AGAP1: variants seen among roughly 807,000 people sequenced by gnomAD.
AGAP1 encodes ArfGAP with GTPase domain, ankyrin repeat and PH domain 1, also known as arf-GAP with GTPase, ANK repeat and PH domain-containing protein 1.
Under a neutral mutation model 105.3 loss-of-function variants are expected in AGAP1, and 29 were observed. The ratio of observed to expected loss-of-function variants is 0.28; its 90% CI spans 0.21 to 0.38. The LOEUF (loss-of-function observed/expected upper bound fraction) is 0.38. Among genes scored for constraint, AGAP1 ranks in the 10% least tolerant of loss-of-function variants. AGAP1 has a pLI of 1.00. For synonymous variants in AGAP1, 509 were observed against 485.9 expected (o/e 1.05, Z -0.63); for missense variants, 998 against 1,165.1 (o/e 0.86, Z 2.09).
At position 236,030,809 on chromosome 2, in the gene AGAP1, C is replaced by T. The variant is rs950044319; in HGVS notation, c.1646-5752C>T. Among the ~76,000 whole-genome samples the T allele has an allele frequency of 2.6e-5, 4 of 152,122 alleles. 1 individual carries two copies. The South Asian group carries it at 6.2e-4, about 24-fold the overall frequency. On this transcript the variant is annotated intron_variant, in intron 13 of 17. Transcript: ENST00000304032. ...CAAACTTCTTACACAGTAAACTCAGCGAAGTGTTAAAGGTGGGCCAGAACC... is the reference window on the plus strand; with the variant it reads ...CAAACTTCTTACACAGTAAACTCAGTGAAGTGTTAAAGGTGGGCCAGAACC...
intron 1 of AGAP1, among the ~76,000 whole-genome samples, chr2:235,501,638 A>G (rs1446401658): frequency 6.6e-6 from 1 of 152,122 alleles, no homozygotes; most frequent in African/African-American, 2.4e-5. Flanking sequence ...TAAGACGAAA[A>G]TCCCTTATTT....
chr2:235,836,803 A>C (rs559946860), intron 9 of AGAP1, among the ~76,000 whole-genome samples: 7 of 152,308 alleles, frequency 4.6e-5, no homozygotes, highest in Non-Finnish European at 7.4e-5. Context: ...CCTCCTCGAG[A>C]TAGAGAACTA....
In AGAP1 at chr2:235,666,943, G is replaced by T. The variant is rs556740891; in HGVS notation, c.164-42236G>T. On this transcript the variant is annotated intron_variant, in intron 1 of 17. Transcript: ENST00000304032. The stretch of plus-strand genomic sequence containing the variant: ...CCTCCCACACCTGGCTAAGTTAGGA[G>T]CCCAGGGTTCTGGTCCCACCCTTGA... Among the ~76,000 whole-genome samples, 42 of 152,168 alleles carry T rather than the reference G, an allele frequency of 2.8e-4. No individual in the cohort carries two copies. The South Asian group carries it at 8.3e-3, about 30-fold the overall frequency.
In AGAP1 at chr2:235,611,025, C is replaced by T. The variant is rs575170992; in HGVS notation, c.164-98154C>T. ...TCATTGAAACTGTGCCCATGACCTCCGGAAGCCTGCCAGCCGCCTGCCTGC... is the reference window on the plus strand; with the variant it reads ...TCATTGAAACTGTGCCCATGACCTCTGGAAGCCTGCCAGCCGCCTGCCTGC... On this transcript the variant is annotated intron_variant, in intron 1 of 17. Coordinates refer to ENST00000304032, the MANE Select transcript of AGAP1 (RefSeq NM_001037131.3). This position sits in a 1 kb window ranked among gnomAD's most constrained non-coding sequence, Gnocchi z 5.0. Among the ~76,000 whole-genome samples, 21 of 152,276 alleles carry T rather than the reference C, an allele frequency of 1.4e-4. No homozygotes were observed. Among genetic ancestry groups the T allele is most frequent in the East Asian group, 1.3e-3 (7 of 5,186 alleles).
intron 9 of AGAP1, among the ~76,000 whole-genome samples, chr2:235,810,618 A>G (rs961866236): frequency 1.3e-5 from 2 of 152,190 alleles, no homozygotes; most frequent in Non-Finnish European, 2.9e-5. Flanking sequence ...CGTTCGCTGT[A>G]AGCATCCAGG....
rs1468476631 is a variant in AGAP1, at chr2:236,101,843, A to G, written c.2115-18349A>G. Among the ~76,000 whole-genome samples the G allele has an allele frequency of 1.3e-5, 2 of 152,222 alleles. No homozygotes were observed. Among genetic ancestry groups the G allele is most frequent in the African/African-American group, 4.8e-5 (2 of 41,462 alleles). On this transcript the variant is annotated intron_variant, in intron 16 of 17. Transcript: ENST00000304032. The surrounding 1 kb of genome is among the most constrained non-coding windows in gnomAD (Gnocchi z 4.9). Reference sequence around the variant, plus strand: ...ACTGGGTACACATTTATCGGGATTTATGCTTTAAAACAGTAGTTCACATTT... The same window carrying G: ...ACTGGGTACACATTTATCGGGATTTGTGCTTTAAAACAGTAGTTCACATTT...
rs1283423420 is a variant in AGAP1 at position 235,891,678 on chromosome 2, A to T, written c.1155+8229A>T. 6.6e-6 allele frequency among the ~76,000 whole-genome samples: 1 copy of T among 152,154 alleles called. No individual in the cohort carries two copies. The highest frequency in any genetic ancestry group is 2.4e-5 in the African/African-American group (1 of 41,442). Reference sequence around the variant, plus strand: ...CAGTGAGATTCCTAAGTGGACCTGGAAGGATGAGCTGAGTGGCCTCACGGT... The same window carrying T: ...CAGTGAGATTCCTAAGTGGACCTGGTAGGATGAGCTGAGTGGCCTCACGGT... On this transcript the variant is annotated intron_variant, in intron 10 of 17. Coordinates refer to ENST00000304032, the MANE Select transcript of AGAP1 (RefSeq NM_001037131.3). The surrounding 1 kb of genome is among the most constrained non-coding windows in gnomAD (Gnocchi z 4.2).
chr2:235,997,473 A>G (rs1407272628), intron 13 of AGAP1, among the ~76,000 whole-genome samples: 1 of 152,108 alleles, frequency 6.6e-6, no homozygotes, highest in African/African-American at 2.4e-5. Context: ...TTTCTCTACT[A>G]CCTTAAGGTT....
chr2:235,580,205 C>T (rs928654267), intron 1 of AGAP1, among the ~76,000 whole-genome samples: 5 of 152,048 alleles, frequency 3.3e-5, no homozygotes, highest in Admixed American at 2.6e-4. Flanking sequence ...CAGCTATGAA[C>T]GTGCGTGTAC....
Position 236,040,537 on chromosome 2 carries a change from A to G in AGAP1, c.1801-214A>G. On this transcript the variant is annotated intron_variant, in intron 14 of 17. Coordinates refer to ENST00000304032, the MANE Select transcript of AGAP1 (RefSeq NM_001037131.3). The surrounding 1 kb of genome is among the most constrained non-coding windows in gnomAD (Gnocchi z 5.6). ...AGTCCGTCTCAGCTGATGAGTTAAA[A>G]TGTGACATTTCCTCCCTCCCCCCGC... 1 of 450,834 alleles carries G rather than the reference A, an allele frequency of 2.2e-6. No individual in the cohort carries two copies. Among genetic ancestry groups the G allele is most frequent in the East Asian group, 4.2e-5 (1 of 23,620 alleles). The allele number at this position is 450,834 out of a possible 1,614,324, so 27.9% of individuals were successfully genotyped here.
intron 1 of AGAP1, among the ~76,000 whole-genome samples, chr2:235,657,181 A>C (rs1432024061): frequency 6.6e-6 from 1 of 152,142 alleles, no homozygotes; most frequent in Non-Finnish European, 1.5e-5. Flanking sequence ...TGTCTCTCTC[A>C]ATCCTGAGTT....
intron 2 of AGAP1, among the ~76,000 whole-genome samples, chr2:235,711,204 G>A (rs1439352135): frequency 1.3e-5 from 2 of 152,236 alleles, no homozygotes; most frequent in East Asian, 3.9e-4. Context: ...TGCCATCAAG[G>A]AGCTGCATTT....
In AGAP1 at chr2:235,797,876, A is replaced by G; in HGVS notation, c.791A>G (p.His264Arg). ...SVCSAQVSAV[H>R]ISQTSNGGGS... ...TGTTCCGCGCAGGTGTCTGCCGTGC[A>G]CATCAGCCAGGTACGTTAGGTGACA... Residue 264 changes from histidine to arginine, a missense_variant, in exon 7 of 18, where the codon CAC becomes CGC. By Grantham distance (29) the His-to-Arg change is conservative. Transcript: ENST00000304032. 1 of 1,614,194 alleles carries G rather than the reference A, an allele frequency of 6.2e-7. No homozygotes were observed. Among genetic ancestry groups the G allele is most frequent in the Non-Finnish European group, 8.5e-7 (1 of 1,180,026 alleles).
Position 235,777,502 on chromosome 2 carries a change from C to T in AGAP1, c.674-20257C>T, listed in dbSNP as rs950146129. On this transcript the variant is annotated intron_variant, in intron 6 of 17. Transcript: ENST00000304032. The surrounding 1 kb of genome is among the most constrained non-coding windows in gnomAD (Gnocchi z 5.1). Reference sequence around the variant, plus strand: ...TATCAGCAGGCAGCCTTGCGTCTGCCTCTGGGAGCAGAAACCGTTGTTTCA... The same window carrying T: ...TATCAGCAGGCAGCCTTGCGTCTGCTTCTGGGAGCAGAAACCGTTGTTTCA... Among the ~76,000 whole-genome samples, 6 of 152,246 alleles carry T rather than the reference C, an allele frequency of 3.9e-5. No homozygotes were observed. Among genetic ancestry groups the T allele is most frequent in the Non-Finnish European group, 5.9e-5 (4 of 68,042 alleles).
intron 12 of AGAP1, among the ~76,000 whole-genome samples, chr2:235,946,183 C>G (rs1441368932): frequency 1.3e-5 from 2 of 151,774 alleles, no homozygotes; most frequent in African/African-American, 4.8e-5. Context: ...CAGTCCTACA[C>G]AAAGCTGTTA....
rs1325832079 is a variant in AGAP1 at position 235,901,520 on chromosome 2, C to T, written c.1156-7218C>T. On this transcript the variant is annotated intron_variant, in intron 10 of 17. Transcript: ENST00000304032. The surrounding 1 kb of genome is among the most constrained non-coding windows in gnomAD (Gnocchi z 4.3). ...AAAAGCATACACATGGAGCCAATGG[C>T]TGCTTTGCAGACATGAAGCTAGACT... 6.6e-6 allele frequency among the ~76,000 whole-genome samples: 1 copy of T among 152,224 alleles called. No individual in the cohort carries two copies. Among genetic ancestry groups the T allele is most frequent in the Non-Finnish European group, 1.5e-5 (1 of 68,044 alleles).
chr2:235,637,143 T>C (rs1234399761), intron 1 of AGAP1, among the ~76,000 whole-genome samples: 1 of 152,204 alleles, frequency 6.6e-6, no homozygotes, highest in Non-Finnish European at 1.5e-5. Flanking sequence ...CCTGACTCAC[T>C]GTGGGATTCA....
In AGAP1 at chr2:235,801,057, C is replaced by T. The variant is rs900846983; in HGVS notation, c.957+1535C>T. On this transcript the variant is annotated intron_variant, in intron 8 of 17. Coordinates refer to ENST00000304032, the MANE Select transcript of AGAP1 (RefSeq NM_001037131.3). This position sits in a 1 kb window ranked among gnomAD's most constrained non-coding sequence, Gnocchi z 6.0. Reference sequence around the variant, plus strand: ...GTCTGGGGCAGTCTCTCATTGGATGCTCATGACTGCGGAGGCGGTTGCCAG... The same window carrying T: ...GTCTGGGGCAGTCTCTCATTGGATGTTCATGACTGCGGAGGCGGTTGCCAG... 1.3e-5 allele frequency among the ~76,000 whole-genome samples: 2 copies of T among 152,176 alleles called. No individual in the cohort carries two copies. Among genetic ancestry groups the T allele is most frequent in the Admixed American group, 1.3e-4 (2 of 15,274 alleles).
Position 235,636,094 on chromosome 2 carries a change from C to G in AGAP1, c.164-73085C>G, listed in dbSNP as rs539743649. Among the ~76,000 whole-genome samples the G allele has an allele frequency of 8.0e-5, 12 of 149,668 alleles. No homozygotes were observed. The South Asian group carries it at 2.3e-3, about 29-fold the overall frequency. Reference sequence around the variant, plus strand: ...TGCCAGTGAACTCCAGCCTGGGCAACAAGAGCGAGACTCTGTCTCAGTAAA... The same window carrying G: ...TGCCAGTGAACTCCAGCCTGGGCAAGAAGAGCGAGACTCTGTCTCAGTAAA... On this transcript the variant is annotated intron_variant, in intron 1 of 17. Transcript: ENST00000304032.
Sources: allele counts gnomAD v4.1 joint callset (sites outside exome capture counted in the v4.1 genomes callset), GRCh38; gene constraint gnomAD v4.1.1; non-coding constraint Gnocchi (gnomAD v3.1); transcripts MANE v1.5; gene names NCBI Gene and HGNC (gene_info 2026-07-23, HGNC 2026-07-21).